TSNARE1: variants seen among roughly 807,000 people sequenced by gnomAD.
The protein encoded by TSNARE1 is t-SNARE domain containing 1.
Under a neutral mutation model 62.0 loss-of-function variants are expected in TSNARE1, and 49 were observed. The observed-to-expected ratio is 0.79, with a 90% confidence interval of 0.63 to 1.00. The LOEUF (loss-of-function observed/expected upper bound fraction) is 1.00, where lower values mean the gene tolerates loss of function less well. Among genes scored for constraint, TSNARE1 ranks in the 50% least tolerant of loss-of-function variants. The probability of loss-of-function intolerance (pLI) is 0.00; values close to 1 mark genes in which losing one functional copy is unlikely to be tolerated. For synonymous variants in TSNARE1, 328 were observed against 294.4 expected, an observed-to-expected ratio of 1.11 and a Z score of -1.17; for missense variants, 755 against 700.1, an observed-to-expected ratio of 1.08 and a Z score of -0.88.
intron 1 of TSNARE1, among the ~76,000 whole-genome samples, chr8:142,396,577 T>C (rs543099666): frequency 2.6e-5 from 4 of 152,340 alleles, no homozygotes; most frequent in Admixed American, 6.5e-5. Context: ...CAGGGAATTT[T>C]TGTTTGTAAA....
intron 9 of TSNARE1, among the ~76,000 whole-genome samples, chr8:142,307,887 G>C (rs2131469192): frequency 6.6e-6 from 1 of 152,346 alleles, no homozygotes; most frequent in Non-Finnish European, 1.5e-5. Context: ...CCCGGCTTTT[G>C]CAGAGGTTTT....
At chr8:142,363,964 G>C (rs1018853870) in intron 1 of TSNARE1, among the ~76,000 whole-genome samples, 1 of 152,230 alleles carries the variant, frequency 6.6e-6, no homozygotes, top group Non-Finnish European at 1.5e-5. Context: ...AGACAGCATG[G>C]TTCCAGGTGA....
At chr8:142,256,307 CCAT>C (rs532631569) in intron 12 of TSNARE1, among the ~76,000 whole-genome samples, 2,676 of 84,084 alleles carry the variant, frequency 0.032, 58 homozygotes, top group Non-Finnish European at 0.039. Context: ...CCCACCACCA[CCAT>C]CATCACCACC....
At chr8:142,298,636 G>T (rs1348152272) in intron 10 of TSNARE1, among the ~76,000 whole-genome samples, 1 of 152,196 alleles carries the variant, frequency 6.6e-6, no homozygotes, top group Non-Finnish European at 1.5e-5. Context: ...GTGGGGGTTT[G>T]GGCTTTTTGG....
chr8:142,366,517 A>G (rs1366499118), intron 1 of TSNARE1, among the ~76,000 whole-genome samples: 1 of 152,202 alleles, frequency 6.6e-6, no homozygotes, highest in African/African-American at 2.4e-5. Flanking sequence ...GCACTACACC[A>G]TATTAACCTA....
intron 10 of TSNARE1, among the ~76,000 whole-genome samples, chr8:142,286,308 G>T (rs1221545211): frequency 6.6e-6 from 1 of 152,212 alleles, no homozygotes; most frequent in Non-Finnish European, 1.5e-5. Context: ...AGCTGGGACT[G>T]ACTTCCATGA....
chr8:142,265,403 C>T (rs1055648766), intron 12 of TSNARE1, among the ~76,000 whole-genome samples: 7 of 152,178 alleles, frequency 4.6e-5, no homozygotes, highest in Admixed American at 2.0e-4. Context: ...CCTTAAGAAC[C>T]GTCTGAGTTG....
At chr8:142,365,357 C>G (rs971004192) in intron 1 of TSNARE1, among the ~76,000 whole-genome samples, 5 of 152,234 alleles carry the variant, frequency 3.3e-5, no homozygotes, top group African/African-American at 4.8e-5. Flanking sequence ...AAAACCAACA[C>G]AGGATCTGGG....
intron 10 of TSNARE1, among the ~76,000 whole-genome samples, chr8:142,286,754 C>G (rs890433219): frequency 2.0e-5 from 3 of 152,158 alleles, no homozygotes; most frequent in African/African-American, 7.2e-5. Context: ...CCACGGGCTT[C>G]CCAGTTATAG....
Position 142,274,813 on chromosome 8 carries a change from G to T in TSNARE1, c.1414C>A (p.Arg472Ser), listed in dbSNP as rs762992416. 6.3e-7 allele frequency: 1 copy of T among 1,580,598 alleles called. No individual in the cohort carries two copies. Among genetic ancestry groups the T allele is most frequent in the Non-Finnish European group, 8.6e-7 (1 of 1,164,290 alleles). Residue 472 changes from arginine to serine, a missense_variant, in exon 12 of 14, where the codon CGC becomes AGC. By Grantham distance (110) the Arg-to-Ser change is moderately radical. Coordinates refer to ENST00000524325, the MANE Select transcript of TSNARE1 (RefSeq NM_145003.5). ...CGGCTGGCTCCAGCCAGGAGCTGGC[G>T]GGCTGCCTCCGCATGCGAGGACGCA... is the stretch of plus-strand genomic sequence containing the variant. ...EAASSHAEAA[R>S]QLLAGASRHQ...
rs140648614 is a variant in TSNARE1, at chr8:142,314,950, G to A, written c.1074+53C>T. On this transcript the variant is annotated intron_variant, in intron 8 of 13. Coordinates refer to ENST00000524325, the MANE Select transcript of TSNARE1 (RefSeq NM_145003.5). ...CAGCCATGACAGTGCTCCGGGAACC[G>A]AGGCCGACCCCACCTGGCCTGCAGA... is the stretch of plus-strand genomic sequence containing the variant. 9.4e-3 allele frequency: 14,803 copies of A among 1,578,428 alleles called. 108 individuals carry two copies. Among genetic ancestry groups the A allele is most frequent in the South Asian group, 0.012 (1,057 of 90,266 alleles).
intron 4 of TSNARE1, among the ~76,000 whole-genome samples, chr8:142,343,010 G>A (rs370158040): frequency 2.0e-5 from 3 of 152,248 alleles, no homozygotes; most frequent in East Asian, 1.9e-4. Flanking sequence ...ACCTGTCCCA[G>A]CACCTGCCCG....
chr8:142,300,490 A>T lies in TSNARE1; in HGVS notation c.1286T>A (p.Met429Lys). The change falls in exon 10 of 14, where the codon ATG becomes AAG. Residue 429 changes from methionine (M) to lysine (K), a missense_variant. Transcript: ENST00000524325. ...GCTTGCCCACGCCAGCCTCACCTCC[A>T]TCTGCAGGATGGCCTCCTCCCGCAG... ...IRLREEAILQ[M>K]ESNLLDVNQI... 6.2e-7 allele frequency: 1 copy of T among 1,602,544 alleles called. No individual in the cohort carries two copies. The highest frequency in any genetic ancestry group is 8.5e-7 in the Non-Finnish European group (1 of 1,178,034).
chr8:142,276,472 T>C, intron 11 of TSNARE1: 7 of 985,464 alleles, frequency 7.1e-6, no homozygotes, highest in Non-Finnish European at 8.4e-6. Context: ...ACCTTACACC[T>C]GCAGTGGTAA....
chr8:142,350,190 GGCA>G (rs1833927352), intron 2 of TSNARE1, among the ~76,000 whole-genome samples: 1 of 133,186 alleles, frequency 7.5e-6, no homozygotes, highest in Non-Finnish European at 1.7e-5. Context: ...CTGGGACCTC[GGCA>G]GGCAGGGCTG....
chr8:142,215,149 C>T (rs1422365655), intron 13 of TSNARE1, among the ~76,000 whole-genome samples: 2 of 152,190 alleles, frequency 1.3e-5, no homozygotes, highest in South Asian at 2.1e-4. Context: ...ACCATGAATG[C>T]GTATTGATCG....
At position 142,376,315 on chromosome 8, in the gene TSNARE1, C is replaced by A. The variant is rs192638997; in HGVS notation, c.-39-21552G>T. Among the ~76,000 whole-genome samples the A allele has an allele frequency of 6.8e-3, 1,029 of 152,288 alleles. 7 individuals carry two copies. The highest frequency in any genetic ancestry group is 9.6e-3 in the Non-Finnish European group (650 of 68,022). On this transcript the variant is annotated intron_variant, in intron 1 of 13. Coordinates refer to ENST00000524325, the MANE Select transcript of TSNARE1 (RefSeq NM_145003.5). ...AAGGGCGACCCTGGGGCCCAGTGAA[C>A]CCTGCTGTGGTCTGAATGTTCGTGT...
chr8:142,395,386 A>G (rs913303962), intron 1 of TSNARE1, among the ~76,000 whole-genome samples: 3 of 152,028 alleles, frequency 2.0e-5, no homozygotes, highest in African/African-American at 7.2e-5. Flanking sequence ...GGAGACTTCA[A>G]CAGCCCAGGA....
chr8:142,338,974 G>C (rs1190033176), intron 4 of TSNARE1, among the ~76,000 whole-genome samples: 1 of 152,158 alleles, frequency 6.6e-6, no homozygotes, highest in African/African-American at 2.4e-5. Flanking sequence ...GCTGCTGCCA[G>C]ATTCTGCTAC....
Sources: gnomAD v4.1 joint callset for allele counts (sites outside exome capture counted in the v4.1 genomes callset) on GRCh38, gnomAD v4.1.1 for gene constraint, MANE v1.5 for transcripts, NCBI Gene and HGNC (gene_info 2026-07-23, HGNC 2026-07-21) for gene names.